ITPK1: variants seen among roughly 807,000 people sequenced by gnomAD.
ITPK1 encodes the protein inositol 1,3,4-trisphosphate 5/6-kinase.
ITPK1 carries 21 observed loss-of-function variants against 45.3 expected under a neutral mutation model. The ratio of observed to expected loss-of-function variants is 0.46; its 90% CI spans 0.33 to 0.67. ITPK1 has a LOEUF of 0.67. Ranked by LOEUF, ITPK1 falls within the 30% of genes least tolerant of loss-of-function variation. The pLI is 0.02. For missense variants in ITPK1, 474 were observed against 573.5 expected, an observed-to-expected ratio of 0.83 and a Z score of 1.77; for synonymous variants, 258 against 253.6, an observed-to-expected ratio of 1.02 and a Z score of -0.16.
At chr14:92,955,524 A>G (rs992697593) in intron 8 of ITPK1, among the ~76,000 whole-genome samples, 2 of 152,222 alleles carry the variant, frequency 1.3e-5, no homozygotes, top group Non-Finnish European at 2.9e-5. Context: ...GGAGGGAAAC[A>G]GTCTCTCTGT....
chr14:93,037,336 C>G (rs1353169125), intron 3 of ITPK1, among the ~76,000 whole-genome samples: 2 of 152,228 alleles, frequency 1.3e-5, no homozygotes, highest in African/African-American at 4.8e-5. Context: ...GTCTGCCTTT[C>G]TTTCAAACAG....
chr14:93,040,279 T>C (rs1464648218), intron 3 of ITPK1, among the ~76,000 whole-genome samples: 1 of 152,194 alleles, frequency 6.6e-6, no homozygotes, highest in Non-Finnish European at 1.5e-5. Flanking sequence ...GGGCTTCAGC[T>C]ACATGAAGCA....
rs541404317 is a variant in ITPK1 at position 92,938,398 on chromosome 14, G to C, written c.*3163C>G. 3 of 1,054,482 alleles carry C rather than the reference G, an allele frequency of 2.8e-6. No homozygotes were observed. Among genetic ancestry groups the C allele is most frequent in the Non-Finnish European group, 4.5e-6 (3 of 673,024 alleles). 65.3% of individuals were successfully genotyped at this position (1,054,482 alleles called of 1,614,324 possible). A position where few individuals can be genotyped will look rare whatever the true frequency, so the allele number is the denominator to read the frequency against. On this transcript the variant is annotated 3_prime_UTR_variant, in exon 11 of 11. Transcript: ENST00000267615. ...TCCAGGCTAGAAGGACAAACGACAG[G>C]CTGGCTCCCTTGGTCTTGGGGTGGC...
At position 92,941,319 on chromosome 14, in the gene ITPK1, G is replaced by A; in HGVS notation, c.*242C>T. 5 of 1,404,908 alleles carry A rather than the reference G, an allele frequency of 3.6e-6. No homozygotes were observed. Among genetic ancestry groups the A allele is most frequent in the Non-Finnish European group, 4.6e-6 (5 of 1,087,244 alleles). 87.0% of individuals were successfully genotyped at this position (1,404,908 alleles called of 1,614,324 possible). On this transcript the variant is annotated 3_prime_UTR_variant, in exon 11 of 11. Coordinates refer to ENST00000267615, the MANE Select transcript of ITPK1 (RefSeq NM_014216.6). ...CACAAGCGTGTGTAAACTCAGTTAG[G>A]AGGTCTGCACAGTAGAGAGCAGGCG...
chr14:93,077,240 T>A (rs1891261832), intron 2 of ITPK1, among the ~76,000 whole-genome samples: 1 of 152,128 alleles, frequency 6.6e-6, no homozygotes, highest in South Asian at 2.1e-4. Flanking sequence ...CACCCAATTT[T>A]AGGAGCCTCA....
Position 93,076,479 on chromosome 14 carries a change from G to A in ITPK1, c.120+116C>T, listed in dbSNP as rs1891221836. 5 of 1,196,794 alleles carry A rather than the reference G, an allele frequency of 4.2e-6. No individual in the cohort carries two copies. The highest frequency in any genetic ancestry group is 6.1e-6 in the Non-Finnish European group (5 of 817,756). The allele number at this position is 1,196,794 out of a possible 1,614,324, so 74.1% of individuals were successfully genotyped here. A position where few individuals can be genotyped will look rare whatever the true frequency, so the allele number is the denominator to read the frequency against. ...TCCACAGGGGAGCTAAAAACAAGCT[G>A]CACGTGAAGAAGAGAGAAAGCCGTG... On this transcript the variant is annotated intron_variant, in intron 3 of 10. Coordinates refer to ENST00000267615, the MANE Select transcript of ITPK1 (RefSeq NM_014216.6). The surrounding 1 kb of genome is among the most constrained non-coding windows in gnomAD (Gnocchi z 4.3).
intron 10 of ITPK1, among the ~76,000 whole-genome samples, chr14:92,944,505 C>T (rs539345762): frequency 3.4e-4 from 52 of 152,132 alleles, no homozygotes; most frequent in Non-Finnish European, 5.1e-4. Context: ...CCATAGATCG[C>T]GACCATCTAC....
intron 2 of ITPK1, among the ~76,000 whole-genome samples, chr14:93,095,527 A>AAAGGATAACAG (rs1892040852): frequency 7.3e-6 from 1 of 137,158 alleles, no homozygotes; most frequent in African/African-American, 3.0e-5. Flanking sequence ...CACACTTATC[A>AAAGGATAACAG]GCACCACCCA....
intron 5 of ITPK1, among the ~76,000 whole-genome samples, chr14:92,966,429 A>G (rs191597844): frequency 8.1e-4 from 124 of 152,390 alleles, no homozygotes; most frequent in African/African-American, 2.8e-3. Context: ...GCAAAATACC[A>G]TTGAAAGAAA....
Position 92,958,315 on chromosome 14 carries a change from C to G in ITPK1, c.556G>C (p.Val186Leu). The G allele has an allele frequency of 6.2e-7, 1 of 1,614,230 alleles. No individual in the cohort carries two copies. Among genetic ancestry groups the G allele is most frequent in the East Asian group, 2.2e-5 (1 of 44,886 alleles). The change falls in exon 8 of 11, where the codon GTG becomes CTG. Residue 186 changes from valine to leucine, a missense_variant. Around this residue, in one of 2 missense-constraint regions of ITPK1, gnomAD observed 367 missense variants for 480.6 expected, o/e 0.76. Transcript: ENST00000267615. This position sits in a 1 kb window ranked among gnomAD's most constrained non-coding sequence, Gnocchi z 4.4. ...TTGTGGTTGATGAAATTCTGGACCA[C>G]GCAGGGTGGCTGGATGGCGTTCAGG... is the stretch of plus-strand genomic sequence containing the variant. Reference protein sequence around the residue: ...EGLNAIQPPCVVQNFINHNAV... With the variant: ...EGLNAIQPPCLVQNFINHNAV...
intron 4 of ITPK1, among the ~76,000 whole-genome samples, chr14:92,997,799 C>G (rs116974968): frequency 6.6e-6 from 1 of 152,310 alleles, no homozygotes; most frequent in Non-Finnish European, 1.5e-5. Flanking sequence ...CAGCCCCTGC[C>G]AGGATGAGGG....
chr14:93,045,880 C>A (rs1889749993), intron 3 of ITPK1, among the ~76,000 whole-genome samples: 1 of 152,284 alleles, frequency 6.6e-6, no homozygotes, highest in Non-Finnish European at 1.5e-5. Flanking sequence ...TCTGCAACTA[C>A]CTAAAAACCT....
At position 92,944,532 on chromosome 14, in the gene ITPK1, G is replaced by A. The variant is rs528938986; in HGVS notation, c.901+1799C>T. 7.0e-4 allele frequency among the ~76,000 whole-genome samples: 107 copies of A among 152,208 alleles called. No homozygotes were observed. In the South Asian group the frequency reaches 0.022, roughly 31 times the overall value. On this transcript the variant is annotated intron_variant, in intron 10 of 10. Coordinates refer to ENST00000267615, the MANE Select transcript of ITPK1 (RefSeq NM_014216.6). ...ACCATCTACACATTTTGTGTTGGGA[G>A]GCACTGGCCTTGCTCAGGTGCAAAG...
intron 9 of ITPK1, among the ~76,000 whole-genome samples, chr14:92,949,392 G>A (rs959900531): frequency 2.6e-5 from 4 of 152,204 alleles, no homozygotes; most frequent in African/African-American, 4.8e-5. Flanking sequence ...GAGCCACCGC[G>A]CCCAGCCACT....
intron 9 of ITPK1, among the ~76,000 whole-genome samples, chr14:92,946,989 C>A (rs983899674): frequency 1.3e-5 from 2 of 152,174 alleles, no homozygotes; most frequent in Admixed American, 1.3e-4. Flanking sequence ...AGAAGGAGAG[C>A]GGCCCCAGGG....
At chr14:92,977,119 C>G (rs890078339) in intron 5 of ITPK1, among the ~76,000 whole-genome samples, 3 of 152,224 alleles carry the variant, frequency 2.0e-5, no homozygotes, top group African/African-American at 7.2e-5. Context: ...CTGTAAGGAT[C>G]AAACAGGTTA....
chr14:93,002,939 C>A (rs987916336), intron 4 of ITPK1, among the ~76,000 whole-genome samples: 1 of 152,166 alleles, frequency 6.6e-6, no homozygotes, highest in Non-Finnish European at 1.5e-5. Context: ...TCTTCCCAGC[C>A]CTGGAGCAAG....
chr14:93,039,057 G>A (rs781571729), intron 3 of ITPK1, among the ~76,000 whole-genome samples: 6 of 152,062 alleles, frequency 3.9e-5, no homozygotes, highest in Non-Finnish European at 7.3e-5. Flanking sequence ...TGCTACCACC[G>A]CCGACCTTGC....
chr14:93,049,438 G>A (rs1044755598), intron 3 of ITPK1, among the ~76,000 whole-genome samples: 2 of 152,214 alleles, frequency 1.3e-5, no homozygotes, highest in African/African-American at 2.4e-5. Context: ...GCAGAGGCAG[G>A]GAGAGAGTGC....
Sources: gnomAD v4.1 joint callset for allele counts (sites outside exome capture counted in the v4.1 genomes callset) on GRCh38, gnomAD v4.1.1 for gene constraint, gnomAD v4.1.1 regional missense constraint, Gnocchi (gnomAD v3.1) non-coding constraint, MANE v1.5 for transcripts, NCBI Gene and HGNC (gene_info 2026-07-23, HGNC 2026-07-21) for gene names.